Variants in SYT1 observed in about 807,000 individuals in gnomAD.
The protein encoded by SYT1 is synaptotagmin-1.
SYT1 carries 8 observed loss-of-function variants against 44.8 expected under a neutral mutation model. The ratio of observed to expected loss-of-function variants is 0.18; its 90% CI spans 0.10 to 0.32. The LOEUF (loss-of-function observed/expected upper bound fraction) is 0.32, where lower values mean the gene tolerates loss of function less well. Among genes scored for constraint, SYT1 ranks in the 10% least tolerant of loss-of-function variants. The pLI, the probability that SYT1 is intolerant of heterozygous loss-of-function variation, is 1.00. For synonymous variants in SYT1, 154 were observed against 188.8 expected (o/e 0.82, Z 1.51); for missense variants, 286 against 509.3 (o/e 0.56, Z 4.22).
chr12:79,430,487 T>C (rs1470702600), intron 9 of SYT1, among the ~76,000 whole-genome samples: 1 of 152,194 alleles, frequency 6.6e-6, no homozygotes. Context: ...TTGCAGCCCC[T>C]AAGAGTTGCT....
Position 78,989,304 on chromosome 12 carries a change from C to T in SYT1, c.-84+11373C>T, listed in dbSNP as rs182840188. On this transcript the variant is annotated intron_variant, in intron 2 of 10. Transcript: ENST00000261205. The stretch of plus-strand genomic sequence containing the variant: ...GGATTTGTATGAAGTAAGATACTCT[C>T]AATAGCAAATTAAAGAATACCTTAC... Among the ~76,000 whole-genome samples the T allele has an allele frequency of 2.5e-4, 38 of 152,152 alleles. No homozygotes were observed. The East Asian group carries it at 7.0e-3, about 28-fold the overall frequency.
intron 9 of SYT1, chr12:79,392,449 A>G (rs1228698651): frequency 6.6e-6 from 1 of 152,172 alleles, no homozygotes; most frequent in Non-Finnish European, 1.5e-5. Flanking sequence ...ACAAGTAAGA[A>G]TTTACACCGG....
At chr12:79,253,289 C>G (rs1208716515) in intron 4 of SYT1, among the ~76,000 whole-genome samples, 1 of 152,114 alleles carries the variant, frequency 6.6e-6, no homozygotes, top group African/African-American at 2.4e-5. Flanking sequence ...CACTCTATCT[C>G]TCTCATGTCA....
At position 79,213,179 on chromosome 12, in the gene SYT1, T is replaced by C. The variant is rs74107350; in HGVS notation, c.-17-4324T>C. On this transcript the variant is annotated intron_variant, in intron 3 of 10. Transcript: ENST00000261205. ...GAGTAGAATTGAATTTATCCAAGTA[T>C]TTCACAGAAGTGTTTTTATGCGAAA... Among the ~76,000 whole-genome samples, 578 of 152,330 alleles carry C rather than the reference T, an allele frequency of 3.8e-3. 8 individuals carry two copies. The highest frequency in any genetic ancestry group is 0.014 in the African/African-American group (562 of 41,580).
intron 1 of SYT1, among the ~76,000 whole-genome samples, chr12:78,879,802 A>T (rs1874358924): frequency 6.6e-6 from 1 of 151,672 alleles, no homozygotes; most frequent in Non-Finnish European, 1.5e-5. Flanking sequence ...CTCATTTATC[A>T]TATTGTTCCT....
chr12:79,441,203 T>G (rs764323505), intron 9 of SYT1, among the ~76,000 whole-genome samples: 13 of 152,242 alleles, frequency 8.5e-5, no homozygotes, highest in Non-Finnish European at 1.3e-4. Flanking sequence ...CTTTGGTACC[T>G]GTATCAGGGT....
At chr12:79,287,208 A>G (rs941716467) in intron 5 of SYT1, among the ~76,000 whole-genome samples, 5 of 152,182 alleles carry the variant, frequency 3.3e-5, no homozygotes, top group African/African-American at 4.8e-5. Context: ...TTTTGGAGCT[A>G]TGGAATGGAT....
intron 4 of SYT1, among the ~76,000 whole-genome samples, chr12:79,267,811 T>G (rs980986010): frequency 2.6e-5 from 4 of 152,164 alleles, no homozygotes; most frequent in African/African-American, 9.7e-5. Context: ...CTTATCTAAA[T>G]CCTCTGAAAG....
intron 1 of SYT1, among the ~76,000 whole-genome samples, chr12:78,948,786 T>C (rs1189167969): frequency 1.3e-5 from 2 of 151,830 alleles, no homozygotes; most frequent in Admixed American, 6.6e-5. Flanking sequence ...TCCTGTGCAC[T>C]GTGCCAAAAG....
At chr12:79,346,892 A>T (rs1882632348) in intron 8 of SYT1, among the ~76,000 whole-genome samples, 1 of 152,202 alleles carries the variant, frequency 6.6e-6, no homozygotes, top group African/African-American at 2.4e-5. Context: ...TCTGGAGTTT[A>T]AGGTGAGTTG....
intron 1 of SYT1, among the ~76,000 whole-genome samples, chr12:78,956,587 GA>G (rs71441945): frequency 0.16 from 23,431 of 144,640 alleles, 2,226 homozygotes; most frequent in East Asian, 0.32. Flanking sequence ...CATCAAAAAT[GA>G]AAAAAAAAAA....
chr12:79,157,390 G>C (rs188904624), intron 3 of SYT1, among the ~76,000 whole-genome samples: 1 of 152,188 alleles, frequency 6.6e-6, no homozygotes, highest in East Asian at 1.9e-4. Context: ...AACCAAAATA[G>C]CTACTTCAGA....
At chr12:78,986,934 C>T (rs1157199833) in intron 2 of SYT1, among the ~76,000 whole-genome samples, 2 of 151,880 alleles carry the variant, frequency 1.3e-5, no homozygotes, top group Admixed American at 6.6e-5. Context: ...AAGATAGTTA[C>T]GATGCAGAAC....
chr12:78,894,676 C>G (rs956124661), intron 1 of SYT1, among the ~76,000 whole-genome samples: 11 of 151,454 alleles, frequency 7.3e-5, no homozygotes, highest in Non-Finnish European at 1.2e-4. Flanking sequence ...CACAGAAAGC[C>G]AAATATCTGA....
intron 1 of SYT1, among the ~76,000 whole-genome samples, chr12:78,893,375 A>C (rs963671214): frequency 6.6e-6 from 1 of 151,814 alleles, no homozygotes; most frequent in African/African-American, 2.4e-5. Flanking sequence ...ACTTGTCAAA[A>C]ATTCAATTCT....
chr12:79,263,881 G>A (rs914830408), intron 4 of SYT1, among the ~76,000 whole-genome samples: 2 of 151,408 alleles, frequency 1.3e-5, no homozygotes, highest in Admixed American at 1.3e-4. Context: ...AGCACAGACA[G>A]CAGAAAATAA....
intron 8 of SYT1, among the ~76,000 whole-genome samples, chr12:79,311,286 A>G (rs1592954403): frequency 6.6e-6 from 1 of 152,196 alleles, no homozygotes; most frequent in Non-Finnish European, 1.5e-5. Context: ...ATCACTGGCC[A>G]TCAGAGAAAT....
intron 1 of SYT1, among the ~76,000 whole-genome samples, chr12:78,889,689 C>T (rs923003302): frequency 6.6e-6 from 1 of 151,812 alleles, no homozygotes; most frequent in African/African-American, 2.4e-5. Flanking sequence ...GGTTATTGAA[C>T]ATGTGAGATA....
At chr12:79,392,328 T>C (rs942698637) in intron 9 of SYT1, 1 of 152,174 alleles carries the variant, frequency 6.6e-6, no homozygotes, top group African/African-American at 2.4e-5. Context: ...AAAAACTACA[T>C]GTCATAGGAA....
Sources: gnomAD v4.1 joint callset for allele counts (sites outside exome capture counted in the v4.1 genomes callset) on GRCh38, gnomAD v4.1.1 for gene constraint, MANE v1.5 for transcripts, NCBI Gene and HGNC (gene_info 2026-07-23, HGNC 2026-07-21) for gene names.